CMTM4: variants seen among roughly 807,000 people sequenced by gnomAD.
CMTM4 encodes CKLF-like MARVEL transmembrane domain-containing protein 4.
CMTM4 carries 8 observed loss-of-function variants against 19.0 expected under a neutral mutation model. The observed-to-expected ratio is 0.42, with a 90% CI of 0.25 to 0.76. The LOEUF (loss-of-function observed/expected upper bound fraction) is 0.76, where lower values mean the gene tolerates loss of function less well. CMTM4 is among the 30% of genes least tolerant of loss of function. The probability of loss-of-function intolerance (pLI) is 0.27; values close to 1 mark genes in which losing one functional copy is unlikely to be tolerated. For synonymous variants in CMTM4, 106 were observed against 121.1 expected (o/e 0.88, Z 0.82); for missense variants, 228 against 290.2 (o/e 0.79, Z 1.56).
chr16:66,694,837 G>A (rs1008553156), intron 1 of CMTM4, among the ~76,000 whole-genome samples: 39 of 151,800 alleles, frequency 2.6e-4, no homozygotes, highest in African/African-American at 9.4e-4. Context: ...TACCAGATAA[G>A]GTAAATTTAA....
the CMTM4 span, among the ~76,000 whole-genome samples, chr16:66,598,993 T>A: frequency 6.6e-6 from 1 of 151,214 alleles, no homozygotes; most frequent in South Asian, 2.1e-4. Flanking sequence ...AGAAAAGAAA[T>A]AAGAGGCTGG....
intron 1 of CMTM4, among the ~76,000 whole-genome samples, chr16:66,638,103 C>G (rs2016030805): frequency 6.6e-6 from 1 of 152,212 alleles, no homozygotes; most frequent in Non-Finnish European, 1.5e-5. Context: ...CTGACTGCTT[C>G]TCCCTGCCAG....
downstream of CMTM4, chr16:66,613,718 A>G (rs2015469792): frequency 6.6e-6 from 1 of 152,510 alleles, no homozygotes; most frequent in South Asian, 2.1e-4. Flanking sequence ...ACCCTGAAAA[A>G]AAGCCATAAT....
intron 1 of CMTM4, among the ~76,000 whole-genome samples, chr16:66,664,797 CA>C (rs1436416536): frequency 6.6e-6 from 1 of 151,924 alleles, no homozygotes; most frequent in Non-Finnish European, 1.5e-5. Context: ...AAATAAATAA[CA>C]AAATGGTAGG....
At chr16:66,674,811 A>G (rs1278899824) in intron 1 of CMTM4, among the ~76,000 whole-genome samples, 1 of 129,072 alleles carries the variant, frequency 7.7e-6, no homozygotes, top group Non-Finnish European at 1.5e-5. Flanking sequence ...GCACAGTCTC[A>G]GCTTACTGCA....
intron 1 of CMTM4, among the ~76,000 whole-genome samples, chr16:66,690,488 A>G (rs2017114686): frequency 6.6e-6 from 1 of 152,160 alleles, no homozygotes. Flanking sequence ...TGTGTTGCAT[A>G]TGATTTCTAT....
At chr16:66,691,380 A>T in intron 1 of CMTM4, among the ~76,000 whole-genome samples, 2 of 152,306 alleles carry the variant, frequency 1.3e-5, no homozygotes, top group East Asian at 3.9e-4. Flanking sequence ...ATTCTCCCCA[A>T]CTAAGAGATA....
At chr16:66,599,654 C>T in the CMTM4 span, among the ~76,000 whole-genome samples, 6 of 152,282 alleles carry the variant, frequency 3.9e-5, no homozygotes, top group Admixed American at 6.5e-5. Flanking sequence ...AACCACCACA[C>T]GTGGCCCTCA....
At position 66,620,317 on chromosome 16, in the gene CMTM4, C is replaced by T; in HGVS notation, c.*1741G>A. The T allele has an allele frequency of 1.0e-6, 1 of 985,470 alleles. No individual in the cohort carries two copies. The highest frequency in any genetic ancestry group is 6.1e-5 in the Admixed American group (1 of 16,286). 61.0% of individuals were successfully genotyped at this position (985,470 alleles called of 1,614,324 possible). A position where few individuals can be genotyped will look rare whatever the true frequency, so the allele number is the denominator to read the frequency against. Reference sequence around the variant, plus strand: ...CCCAGCTGTGAGCTGGCCTGGCTGCCCTCTCTGTGGGAGCAGAGGGGAGAC... The same window carrying T: ...CCCAGCTGTGAGCTGGCCTGGCTGCTCTCTCTGTGGGAGCAGAGGGGAGAC... On this transcript the variant is annotated 3_prime_UTR_variant, in exon 4 of 4. Transcript: ENST00000394106.
At chr16:66,650,520 C>T (rs1021224506) in intron 1 of CMTM4, among the ~76,000 whole-genome samples, 1 of 152,058 alleles carries the variant, frequency 6.6e-6, no homozygotes, top group African/African-American at 2.4e-5. Context: ...GAGTGGTGGG[C>T]CCCGCAGACA....
the CMTM4 span, chr16:66,609,676 A>G: frequency 6.5e-7 from 1 of 1,536,736 alleles, no homozygotes; most frequent in African/African-American, 1.4e-5. This position sits in a 1 kb window ranked among gnomAD's most constrained non-coding sequence, Gnocchi z 4.4. Flanking sequence ...TCCTCTCATT[A>G]AAGACTGACT....
chr16:66,681,595 C>T (rs555385773), intron 1 of CMTM4, among the ~76,000 whole-genome samples: 1 of 152,274 alleles, frequency 6.6e-6, no homozygotes, highest in Admixed American at 6.5e-5. Flanking sequence ...TGAGCCACCG[C>T]GCCCAGCCTT....
intron 1 of CMTM4, among the ~76,000 whole-genome samples, chr16:66,662,908 G>GTA (rs1221635828): frequency 9.2e-5 from 14 of 152,274 alleles, no homozygotes; most frequent in Admixed American, 2.6e-4. Context: ...ACCCAAAGTT[G>GTA]TATATATATG....
At chr16:66,658,022 A>C (rs1165718563) in intron 1 of CMTM4, among the ~76,000 whole-genome samples, 1 of 152,178 alleles carries the variant, frequency 6.6e-6, no homozygotes, top group East Asian at 1.9e-4. Context: ...GGAGTTCGAG[A>C]CCAGCCTAGG....
At chr16:66,685,955 T>A (rs1481204622) in intron 1 of CMTM4, among the ~76,000 whole-genome samples, 2 of 152,134 alleles carry the variant, frequency 1.3e-5, no homozygotes, top group Non-Finnish European at 2.9e-5. Context: ...TGATTTCTAA[T>A]TAAGAACAAA....
intron 1 of CMTM4, among the ~76,000 whole-genome samples, chr16:66,650,321 C>A (rs355964): frequency 0.094 from 14,307 of 152,242 alleles, 941 homozygotes; most frequent in East Asian, 0.27. Context: ...GCCAAAGAAC[C>A]GAACACCTGT....
At chr16:66,675,573 T>C (rs911608799) in intron 1 of CMTM4, among the ~76,000 whole-genome samples, 2 of 151,996 alleles carry the variant, frequency 1.3e-5, no homozygotes, top group African/African-American at 2.4e-5. Context: ...ACCTAGCAGT[T>C]AGTCATTTCT....
chr16:66,638,815 G>A (rs763879951), intron 1 of CMTM4, among the ~76,000 whole-genome samples: 21 of 152,004 alleles, frequency 1.4e-4, no homozygotes, highest in African/African-American at 4.6e-4. Context: ...AGCTGAGATC[G>A]TGCCACTGCA....
At chr16:66,685,232 T>C (rs1176099309) in intron 1 of CMTM4, among the ~76,000 whole-genome samples, 1 of 152,214 alleles carries the variant, frequency 6.6e-6, no homozygotes, top group Non-Finnish European at 1.5e-5. Flanking sequence ...CCTTCTGCTC[T>C]ATTCTCTAAT....
Sources: gnomAD v4.1 joint callset for allele counts (sites outside exome capture counted in the v4.1 genomes callset) on GRCh38, gnomAD v4.1.1 for gene constraint, Gnocchi (gnomAD v3.1) non-coding constraint, MANE v1.5 for transcripts, NCBI Gene and HGNC (gene_info 2026-07-23, HGNC 2026-07-21) for gene names.